The following IRS1 variants were observed in gnomAD, a reference collection of about 807,000 sequenced individuals.
IRS1 encodes insulin receptor substrate 1.
IRS1 carries 34 observed loss-of-function variants against 65.6 expected under a neutral mutation model. The observed-to-expected ratio is 0.52, with a 90% CI of 0.39 to 0.69. The LOEUF (loss-of-function observed/expected upper bound fraction) is 0.69. Among genes scored for constraint, IRS1 ranks in the 30% least tolerant of loss-of-function variants. The pLI, the probability that IRS1 is intolerant of heterozygous loss-of-function variation, is 0.00. For missense variants in IRS1, 1,641 were observed against 1,720.2 expected, an observed-to-expected ratio of 0.95 and a Z score of 0.81; for synonymous variants, 699 against 683.5, an observed-to-expected ratio of 1.02 and a Z score of -0.35.
In IRS1 at chr2:226,741,000, TA is replaced by T. The variant is rs368514403; in HGVS notation, c.*22-4751del. 1.7e-3 allele frequency among the ~76,000 whole-genome samples: 254 copies of T among 149,342 alleles called. 1 individual carries two copies. Among genetic ancestry groups the T allele is most frequent in the South Asian group, 3.2e-3 (15 of 4,708 alleles). On this transcript the variant is annotated intron_variant, in intron 1 of 1. Transcript: ENST00000305123. ...TTAACATAAACAGCTGTGTGCTTTT[TA>T]AAAAAAAAAGTATCTTGAATATAAT...
At chr2:226,769,256 A>T (rs896063020) in intron 1 of IRS1, among the ~76,000 whole-genome samples, 1 of 152,202 alleles carries the variant, frequency 6.6e-6, no homozygotes, top group African/African-American at 2.4e-5. Context: ...AGTTATGAAC[A>T]GATGATGAAA....
Position 226,798,291 on chromosome 2 carries a change from T to C in IRS1, c.448A>G (p.Ser150Gly). 6.2e-7 allele frequency: 1 copy of C among 1,612,974 alleles called. No homozygotes were observed. The highest frequency in any genetic ancestry group is 1.1e-5 in the South Asian group (1 of 91,082). Residue 150 changes from serine to glycine, a missense_variant, in exon 1 of 2, where the codon AGC (serine) becomes GGC (glycine). Physicochemically the swap from Ser to Gly is moderately conservative, Grantham distance 56 (BLOSUM62 0). Coordinates refer to ENST00000305123, the MANE Select transcript of IRS1 (RefSeq NM_005544.3). This position sits in a 1 kb window ranked among gnomAD's most constrained non-coding sequence, Gnocchi z 9.4. ...GGTCCTGGGGGCACGTCACCGTAGC[T>C]CAAGTCCTCCCCAGCCTCACCAAGG... ...SGLGEAGEDL[S>G]YGDVPPGPAF...
In IRS1 at chr2:226,799,643, A is replaced by G; in HGVS notation, c.-905T>C. On this transcript the variant is annotated 5_prime_UTR_variant, in exon 1 of 2. Transcript: ENST00000305123. The surrounding 1 kb of genome is among the most constrained non-coding windows in gnomAD (Gnocchi z 6.1). ...GTTCCTCGGGAGGCGCTGCCGCTGC[A>G]GTTACTTCTCCCCTCCTCCCTCCTC... 1 of 1,003,180 alleles carries G rather than the reference A, an allele frequency of 1.0e-6. No individual in the cohort carries two copies. The allele number at this position is 1,003,180 out of a possible 1,614,324, so 62.1% of individuals were successfully genotyped here.
chr2:226,763,940 A>G (rs979262320), intron 1 of IRS1, among the ~76,000 whole-genome samples: 1 of 152,142 alleles, frequency 6.6e-6, no homozygotes, highest in Non-Finnish European at 1.5e-5. Flanking sequence ...TCACTTAGTA[A>G]TCAGAGCTTC....
At chr2:226,770,745 T>C (rs534991218) in intron 1 of IRS1, among the ~76,000 whole-genome samples, 1 of 152,158 alleles carries the variant, frequency 6.6e-6, no homozygotes, top group Non-Finnish European at 1.5e-5. Context: ...TATCAGGGTT[T>C]TTATTTTTGT....
At chr2:226,788,514 C>T (rs577593962) in intron 1 of IRS1, among the ~76,000 whole-genome samples, 15 of 152,276 alleles carry the variant, frequency 9.9e-5, no homozygotes, top group Admixed American at 2.0e-4. Context: ...TAGATTATAG[C>T]AGAGCCTGCT....
intron 1 of IRS1, among the ~76,000 whole-genome samples, chr2:226,761,929 T>G (rs1039969509): frequency 2.6e-5 from 4 of 152,240 alleles, no homozygotes; most frequent in African/African-American, 9.6e-5. Context: ...TCCATTATTT[T>G]TAGCCAAGAC....
At chr2:226,780,048 T>C (rs1181873736) in intron 1 of IRS1, among the ~76,000 whole-genome samples, 1 of 152,140 alleles carries the variant, frequency 6.6e-6, no homozygotes, top group Non-Finnish European at 1.5e-5. Context: ...ATGGGACACA[T>C]CAGGAGGGAA....
Position 226,795,152 on chromosome 2 carries a change from G to T in IRS1, c.3587C>A (p.Thr1196Asn). The T allele has an allele frequency of 6.2e-7, 1 of 1,613,650 alleles. No individual in the cohort carries two copies. The highest frequency in any genetic ancestry group is 1.7e-5 in the Admixed American group (1 of 60,022). Reference protein sequence around the residue: ...KDFKQCPQECTPEPQPPPPPP... With the variant: ...KDFKQCPQECNPEPQPPPPPP... ...GGGTGGGGGAGGCTGCGGTTCAGGGGTGCACTCCTGAGGGCACTGTTTGAA... is the reference window on the plus strand; with the variant it reads ...GGGTGGGGGAGGCTGCGGTTCAGGGTTGCACTCCTGAGGGCACTGTTTGAA... Residue 1196 changes from threonine (T) to asparagine (N), a missense_variant, in exon 1 of 2, where the codon ACC (threonine) becomes AAC (asparagine). Thr to Asn is a moderately conservative substitution (Grantham distance 65). Around this residue, in one of 3 missense-constraint regions of IRS1, gnomAD observed 1,324 missense variants for 1,361.0 expected, o/e 0.97. Coordinates refer to ENST00000305123, the MANE Select transcript of IRS1 (RefSeq NM_005544.3).
chr2:226,768,857 G>A (rs528202046), intron 1 of IRS1, among the ~76,000 whole-genome samples: 3 of 152,114 alleles, frequency 2.0e-5, no homozygotes, highest in South Asian at 2.1e-4. Context: ...GGCTGGTCTC[G>A]AACTCCTGAC....
chr2:226,798,350 C>T lies in IRS1; in HGVS notation c.389G>A (p.Gly130Glu). 3.7e-6 allele frequency: 6 copies of T among 1,613,538 alleles called. No individual in the cohort carries two copies. The highest frequency in any genetic ancestry group is 5.1e-6 in the Non-Finnish European group (6 of 1,179,916). Residue 130 changes from glycine (G) to glutamate (E), a missense_variant, in exon 1 of 2, where the codon GGA becomes GAA. Gly to Glu is a moderately conservative substitution (Grantham distance 98, BLOSUM62 -2). Coordinates refer to ENST00000305123, the MANE Select transcript of IRS1 (RefSeq NM_005544.3). This position sits in a 1 kb window ranked among gnomAD's most constrained non-coding sequence, Gnocchi z 9.4. The part of the protein sequence containing the change: ...HHDGAAALGA[G>E]GGGGSCSGSS... The stretch of plus-strand genomic sequence containing the variant: ...GCCGCTGCAGCTGCCCCCACCACCT[C>T]CCGCCCCGAGGGCCGCAGCTCCGTC...
chr2:226,773,800 T>A (rs935569486), intron 1 of IRS1, among the ~76,000 whole-genome samples: 1 of 152,146 alleles, frequency 6.6e-6, no homozygotes, highest in Non-Finnish European at 1.5e-5. Context: ...AAGAAGGGGT[T>A]TTGCCTTGGT....
chr2:226,786,593 C>CCA (rs1939490517), intron 1 of IRS1, among the ~76,000 whole-genome samples: 1 of 148,764 alleles, frequency 6.7e-6, no homozygotes, highest in Admixed American at 6.7e-5. Flanking sequence ...CTATGAGAAA[C>CCA]TGGGGACAAA....
intron 1 of IRS1, among the ~76,000 whole-genome samples, chr2:226,747,687 A>G (rs1203111847): frequency 2.0e-5 from 3 of 152,206 alleles, no homozygotes; most frequent in Non-Finnish European, 2.9e-5. Context: ...GAAGCCATCC[A>G]TCTGGCCTTT....
intron 1 of IRS1, among the ~76,000 whole-genome samples, chr2:226,791,033 T>G (rs1334464584): frequency 6.6e-6 from 1 of 152,214 alleles, no homozygotes; most frequent in Admixed American, 6.5e-5. Flanking sequence ...ATCTGCAAGC[T>G]GCAGTCCCGT....
chr2:226,797,590 C>T lies in IRS1; in HGVS notation c.1149G>A (p.Ser383=), dbSNP rs937008032. 2.5e-6 allele frequency: 4 copies of T among 1,589,742 alleles called. No individual in the cohort carries two copies. The highest frequency in any genetic ancestry group is 3.4e-6 in the Non-Finnish European group (4 of 1,170,664). ...GACTGACCGGGCTGGTGGCCGAAGG[C>T]GAGCAGCGGGAAGCCGGCATGGGGA... ...RSIPMPASRC[S]PSATSPVSLS... Residue 383 remains serine (S), a synonymous_variant, in exon 1 of 2, where the codon TCG becomes TCA. Coordinates refer to ENST00000305123, the MANE Select transcript of IRS1 (RefSeq NM_005544.3). This position sits in a 1 kb window ranked among gnomAD's most constrained non-coding sequence, Gnocchi z 8.1.
chr2:226,732,323 G>A lies in IRS1; in HGVS notation c.*3949C>T, dbSNP rs145105516. On this transcript the variant is annotated 3_prime_UTR_variant, in exon 2 of 2. Transcript: ENST00000305123. The stretch of plus-strand genomic sequence containing the variant: ...ACCCATGGCCCCAGTGTTTATCCTC[G>A]GTGTTCTACTCACTATGAAGCTGTT... 1.9e-4 allele frequency: 29 copies of A among 151,914 alleles called. No individual in the cohort carries two copies. The highest frequency in any genetic ancestry group is 6.0e-4 in the African/African-American group (25 of 41,414). 9.4% of individuals were successfully genotyped at this position (151,914 alleles called of 1,614,324 possible).
chr2:226,776,946 A>G (rs955079236), intron 1 of IRS1, among the ~76,000 whole-genome samples: 5 of 152,170 alleles, frequency 3.3e-5, no homozygotes, highest in Admixed American at 2.6e-4. Context: ...TAATCATGAG[A>G]AAAACATCAG....
At chr2:226,758,894 C>G (rs1001870925) in intron 1 of IRS1, among the ~76,000 whole-genome samples, 1 of 152,214 alleles carries the variant, frequency 6.6e-6, no homozygotes, top group African/African-American at 2.4e-5. Context: ...CAGATAGATA[C>G]AGGTACTGTC....
Sources: allele counts gnomAD v4.1 joint callset (sites outside exome capture counted in the v4.1 genomes callset), GRCh38; gene constraint gnomAD v4.1.1; regional missense constraint gnomAD v4.1.1; non-coding constraint Gnocchi (gnomAD v3.1); transcripts MANE v1.5; gene names NCBI Gene and HGNC (gene_info 2026-07-23, HGNC 2026-07-21).